NEO1: variants seen among roughly 807,000 people sequenced by gnomAD.
NEO1 encodes the protein neogenin 1, also known as neogenin.
NEO1 carries 63 observed loss-of-function variants against 159.7 expected under a neutral mutation model. That is an observed-to-expected ratio of 0.39 (90% CI 0.32 to 0.49). The LOEUF is 0.49. Among genes scored for constraint, NEO1 ranks in the 20% least tolerant of loss-of-function variants. The pLI, the probability that NEO1 is intolerant of heterozygous loss-of-function variation, is 0.85. For missense variants in NEO1, 1,615 were observed against 1,831.0 expected (o/e 0.88, Z 2.15); for synonymous variants, 633 against 662.0 (o/e 0.96, Z 0.67).
At chr15:73,224,356 C>T (rs1274148400) in intron 7 of NEO1, among the ~76,000 whole-genome samples, 1 of 152,146 alleles carries the variant, frequency 6.6e-6, no homozygotes, top group Non-Finnish European at 1.5e-5. Flanking sequence ...ATGTCTAGGT[C>T]TCTAGTAAGG....
chr15:73,171,201 A>C (rs1308540527), intron 5 of NEO1, among the ~76,000 whole-genome samples: 5 of 152,164 alleles, frequency 3.3e-5, no homozygotes, highest in East Asian at 3.9e-4. Flanking sequence ...GGAAAAAAAA[A>C]CCTAAGAAAC....
chr15:73,228,414 T>G lies in NEO1; in HGVS notation c.1292-7933T>G, dbSNP rs535670851. Reference sequence around the variant, plus strand: ...GCTATTGCCTTTTTTTTTTTAACTTTGGTTGTTTTCTTAATGAGTTGTAAG... The same window carrying G: ...GCTATTGCCTTTTTTTTTTTAACTTGGGTTGTTTTCTTAATGAGTTGTAAG... On this transcript the variant is annotated intron_variant, in intron 7 of 28. Coordinates refer to ENST00000261908, the MANE Select transcript of NEO1 (RefSeq NM_002499.4). Among the ~76,000 whole-genome samples, 199 of 152,088 alleles carry G rather than the reference T, an allele frequency of 1.3e-3. 1 individual carries two copies. The highest frequency in any genetic ancestry group is 4.5e-3 in the African/African-American group (187 of 41,504).
At chr15:73,260,520 C>A in intron 15 of NEO1, 55 bp downstream of exon 15, 1 of 1,379,414 alleles carries the variant, frequency 7.2e-7, no homozygotes, top group South Asian at 1.9e-5. Context: ...TTCTTTTTAA[C>A]CTTTTATGTA....
In NEO1 at chr15:73,266,800, A is replaced by G. The variant is rs186983740; in HGVS notation, c.2494+389A>G. ...ATAAATGCATGCGATTCGTGAACCC[A>G]ACATCATTTGGTTACTAGCCACCTG... On this transcript the variant is annotated intron_variant, in intron 16 of 28. Coordinates refer to ENST00000261908, the MANE Select transcript of NEO1 (RefSeq NM_002499.4). Among the ~76,000 whole-genome samples the G allele has an allele frequency of 2.4e-3, 367 of 152,322 alleles. 1 individual carries two copies. The highest frequency in any genetic ancestry group is 8.4e-3 in the African/African-American group (350 of 41,570).
At chr15:73,238,652 A>G (rs924448096) in intron 8 of NEO1, among the ~76,000 whole-genome samples, 3 of 152,046 alleles carry the variant, frequency 2.0e-5, no homozygotes, top group African/African-American at 4.8e-5. Flanking sequence ...AAAGGGAGAT[A>G]GCAAATCCAG....
chr15:73,168,132 GA>G (rs2034699421), intron 5 of NEO1, among the ~76,000 whole-genome samples: 1 of 152,102 alleles, frequency 6.6e-6, no homozygotes, highest in African/African-American at 2.4e-5. Context: ...TCAAGGGCTA[GA>G]AACAGGAAAG....
intron 18 of NEO1, among the ~76,000 whole-genome samples, chr15:73,271,906 CAAAA>C (rs57979197): frequency 4.3e-5 from 4 of 92,568 alleles, no homozygotes; most frequent in African/African-American, 3.9e-5. Flanking sequence ...GACTCCATCT[CAAAA>C]AAAAAAAAAA....
At chr15:73,215,357 T>C (rs879784242) in intron 7 of NEO1, among the ~76,000 whole-genome samples, 7 of 152,184 alleles carry the variant, frequency 4.6e-5, no homozygotes, top group Non-Finnish European at 8.8e-5. Flanking sequence ...GTCGTGTTCC[T>C]ATTTTCAGAG....
At chr15:73,186,657 A>G (rs2035947337) in intron 7 of NEO1, among the ~76,000 whole-genome samples, 1 of 152,032 alleles carries the variant, frequency 6.6e-6, no homozygotes, top group African/African-American at 2.4e-5. Context: ...TATGCAAGGC[A>G]CCATGAATTA....
intron 25 of NEO1, 145 bp from the exon 26 acceptor site, chr15:73,293,245 A>G: frequency 1.3e-6 from 1 of 797,350 alleles, no homozygotes; most frequent in Non-Finnish European, 2.0e-6. Flanking sequence ...CTAATTGACC[A>G]GATCTAGCCA....
At chr15:73,196,541 A>G (rs1194402779) in intron 7 of NEO1, among the ~76,000 whole-genome samples, 1 of 152,202 alleles carries the variant, frequency 6.6e-6, no homozygotes, top group African/African-American at 2.4e-5. Flanking sequence ...AATACTCAAA[A>G]CATGTAGCCT....
At chr15:73,083,099 G>T (rs904082954) in intron 1 of NEO1, among the ~76,000 whole-genome samples, 1 of 152,186 alleles carries the variant, frequency 6.6e-6, no homozygotes, top group South Asian at 2.1e-4. Flanking sequence ...TGTTGGATGT[G>T]TATCAAGGAC....
At chr15:73,194,808 G>C (rs965709592) in intron 7 of NEO1, among the ~76,000 whole-genome samples, 1 of 152,164 alleles carries the variant, frequency 6.6e-6, no homozygotes, top group African/African-American at 2.4e-5. Context: ...GGATACTTAG[G>C]ATAAGAGAGA....
Position 73,301,373 on chromosome 15 carries a change from A to T in NEO1, c.4218A>T (p.Gly1406=), listed in dbSNP as rs761648018. 6.2e-7 allele frequency: 1 copy of T among 1,614,172 alleles called. No individual in the cohort carries two copies. Among genetic ancestry groups the T allele is most frequent in the Non-Finnish European group, 8.5e-7 (1 of 1,180,032 alleles). Residue 1406 remains glycine, a synonymous_variant, in exon 28 of 29, where the codon GGA becomes GGT. Coordinates refer to ENST00000261908, the MANE Select transcript of NEO1 (RefSeq NM_002499.4). The stretch of plus-strand genomic sequence containing the variant: ...AGACAGCCTCCATCGGGACTCTAGG[A>T]AGGAGCCGGCCTCCTATGCCAGTGG... ...SVKTASIGTL[G]RSRPPMPVVV... is the part of the protein sequence containing the mutation.
At chr15:73,252,592 G>A (rs185479459) in intron 11 of NEO1, among the ~76,000 whole-genome samples, 3 of 152,330 alleles carry the variant, frequency 2.0e-5, no homozygotes, top group East Asian at 3.9e-4. Flanking sequence ...GCTTACTGAT[G>A]TATGTACATC....
At chr15:73,147,715 T>G (rs1366098800) in intron 5 of NEO1, among the ~76,000 whole-genome samples, 1 of 152,216 alleles carries the variant, frequency 6.6e-6, no homozygotes, top group Non-Finnish European at 1.5e-5. Context: ...AAGCATTCCT[T>G]AATAATTAGC....
chr15:73,175,900 A>C (rs2151949752), intron 5 of NEO1, among the ~76,000 whole-genome samples: 1 of 152,308 alleles, frequency 6.6e-6, no homozygotes, highest in African/African-American at 2.4e-5. Flanking sequence ...ATTGCATATA[A>C]TGAGGGATCT....
intron 26 of NEO1, among the ~76,000 whole-genome samples, chr15:73,295,546 C>T (rs2042331528): frequency 1.3e-5 from 2 of 151,506 alleles, no homozygotes; most frequent in South Asian, 4.2e-4. Context: ...GCTCTACGGA[C>T]CTAGGCAGAA....
chr15:73,236,582 G>A, intron 8 of NEO1, 76 bp downstream of exon 8: 2 of 1,353,108 alleles, frequency 1.5e-6, no homozygotes, highest in Non-Finnish European at 2.1e-6. Context: ...CCTGGCTCTT[G>A]GTATCTGTAC....
Sources: gnomAD v4.1 joint callset for allele counts (sites outside exome capture counted in the v4.1 genomes callset) on GRCh38, gnomAD v4.1.1 for gene constraint, MANE v1.5 for transcripts, NCBI Gene and HGNC (gene_info 2026-07-23, HGNC 2026-07-21) for gene names.